AFF2: variants seen among roughly 807,000 people sequenced by gnomAD.
AFF2 encodes the protein AF4/FMR2 family member 2.
In AFF2, 14 loss-of-function variants were observed where a neutral mutation model predicts 76.9. The observed-to-expected ratio is 0.18, with a 90% CI of 0.12 to 0.28. The LOEUF is 0.28. Among genes scored for constraint, AFF2 ranks in the 10% least tolerant of loss-of-function variants. AFF2 has a pLI of 1.00. For missense variants in AFF2, 868 were observed against 1,001.1 expected, an observed-to-expected ratio of 0.87 and a Z score of 1.79; for synonymous variants, 398 against 366.7, an observed-to-expected ratio of 1.09 and a Z score of -0.98.
chrX:148,774,645 C>A (rs903565567), intron 3 of AFF2, among the ~76,000 whole-genome samples: 1 of 111,542 alleles, frequency 9.0e-6, no homozygotes, highest in Non-Finnish European at 1.9e-5. Flanking sequence ...CTAATAGCAA[C>A]CTGTGCAATT....
chrX:148,656,086 T>A (rs782598043), intron 2 of AFF2, among the ~76,000 whole-genome samples: 18 of 111,816 alleles, frequency 1.6e-4, no homozygotes, highest in Non-Finnish European at 3.0e-4. Context: ...GAAAGATAAA[T>A]GGTGATCTCT....
intron 1 of AFF2, among the ~76,000 whole-genome samples, chrX:148,517,051 A>C (rs1170750793): frequency 8.9e-6 from 1 of 112,148 alleles, no homozygotes; most frequent in East Asian, 2.8e-4. Context: ...TCATTCGTTC[A>C]TTCAACAAAT....
chrX:148,507,446 A>G (rs928063245), intron 1 of AFF2, among the ~76,000 whole-genome samples: 3 of 112,254 alleles, frequency 2.7e-5, no homozygotes, highest in African/African-American at 3.2e-5. Flanking sequence ...TTGTGTCTCA[A>G]TCTGCATTGA....
In AFF2 at chrX:148,995,362, C is replaced by G. The variant is rs1302898111; in HGVS notation, c.*4030C>G. On this transcript the variant is annotated 3_prime_UTR_variant, in exon 21 of 21. Transcript: ENST00000370460. ...TTTGGTGAAGGAAAAAGTATTAATT[C>G]TCTTTCCATCCTCCTCCTCAGAAAT... is the stretch of plus-strand genomic sequence containing the variant. 9.2e-6 allele frequency: 1 copy of G among 109,209 alleles called. No individual in the cohort carries two copies. The highest frequency in any genetic ancestry group is 3.4e-5 in the African/African-American group (1 of 29,804). The allele number at this position is 109,209 out of a possible 1,213,427, so 9.0% of individuals were successfully genotyped here. A position where few individuals can be genotyped will look rare whatever the true frequency, so the allele number is the denominator to read the frequency against.
intron 10 of AFF2, among the ~76,000 whole-genome samples, chrX:148,954,418 T>G (rs782705147): frequency 7.2e-5 from 8 of 111,529 alleles, no homozygotes; most frequent in Non-Finnish European, 1.3e-4. Flanking sequence ...TTCATACACT[T>G]GTTTTTCAAT....
At chrX:148,529,539 C>A (rs1172111643) in intron 1 of AFF2, among the ~76,000 whole-genome samples, 1 of 112,208 alleles carries the variant, frequency 8.9e-6, no homozygotes, top group Non-Finnish European at 1.9e-5. Flanking sequence ...GTTAACATAT[C>A]AAAACTAAGC....
intron 16 of AFF2, among the ~76,000 whole-genome samples, chrX:148,976,039 T>G (rs1481226518): frequency 9.1e-6 from 1 of 109,473 alleles, no homozygotes; most frequent in Non-Finnish European, 1.9e-5. Flanking sequence ...CTTTTAATTA[T>G]TCACGAAAAA....
intron 1 of AFF2, among the ~76,000 whole-genome samples, chrX:148,621,598 C>A (rs2124418699): frequency 8.9e-6 from 1 of 111,945 alleles, no homozygotes; most frequent in Non-Finnish European, 1.9e-5. Context: ...ATAACAACTA[C>A]AATTGGCATA....
intron 3 of AFF2, among the ~76,000 whole-genome samples, chrX:148,807,783 A>G (rs1226595927): frequency 2.7e-5 from 3 of 112,534 alleles, no homozygotes; most frequent in African/African-American, 9.7e-5. Context: ...ATTTGTTAGA[A>G]GTTCAAGAAC....
intron 3 of AFF2, among the ~76,000 whole-genome samples, chrX:148,766,423 A>T (rs1458227313): frequency 3.8e-5 from 4 of 104,326 alleles, no homozygotes; most frequent in African/African-American, 1.1e-4. Flanking sequence ...GGTATCTCAT[A>T]GTGGTTTTGA....
chrX:148,773,962 T>C (rs1335762136), intron 3 of AFF2, among the ~76,000 whole-genome samples: 1 of 111,430 alleles, frequency 9.0e-6, no homozygotes, highest in Admixed American at 9.5e-5. Context: ...AGTTATTTCA[T>C]AGACATTCTT....
chrX:148,766,284 A>T (rs2069515572), intron 3 of AFF2, among the ~76,000 whole-genome samples: 2 of 109,644 alleles, frequency 1.8e-5, no homozygotes, highest in Admixed American at 1.9e-4. Context: ...CGCCACACTG[A>T]CTTCCACAAT....
intron 7 of AFF2, among the ~76,000 whole-genome samples, chrX:148,854,979 G>A (rs1249867072): frequency 9.0e-6 from 1 of 111,204 alleles, no homozygotes; most frequent in Non-Finnish European, 1.9e-5. Context: ...TTAACTCTCT[G>A]AAGGTCTCAA....
chrX:148,717,918 G>A (rs782602644), intron 3 of AFF2, among the ~76,000 whole-genome samples: 2 of 111,326 alleles, frequency 1.8e-5, no homozygotes, highest in South Asian at 3.8e-4. Flanking sequence ...AGGAAAAGAA[G>A]GGAAAAGGCA....
At chrX:148,953,884 A>G in intron 10 of AFF2, 145 bp downstream of exon 10, 1 of 530,436 alleles carries the variant, frequency 1.9e-6, no homozygotes, top group Non-Finnish European at 3.0e-6. Flanking sequence ...ACCACTTCAG[A>G]AAAGTACCCA....
At chrX:148,951,857 T>C (rs2071972572) in intron 9 of AFF2, among the ~76,000 whole-genome samples, 1 of 112,102 alleles carries the variant, frequency 8.9e-6, no homozygotes, top group Non-Finnish European at 1.9e-5. Context: ...TCCCAGGAGA[T>C]ACAGTAGTCT....
At chrX:148,785,106 T>C (rs1448302267) in intron 3 of AFF2, among the ~76,000 whole-genome samples, 1 of 112,350 alleles carries the variant, frequency 8.9e-6, no homozygotes, top group Non-Finnish European at 1.9e-5. Flanking sequence ...CCTGAGCTTG[T>C]GTGAGTATGT....
In AFF2 at chrX:148,661,934, C is replaced by T; in HGVS notation, c.207C>T (p.Asn69=). ...CAAACAAAGGTGATGCACTTGCCAACCGAGTCCAGAACACGCTTGGAAACT... is the reference window on the plus strand; with the variant it reads ...CAAACAAAGGTGATGCACTTGCCAATCGAGTCCAGAACACGCTTGGAAACT... The part of the protein sequence containing the change: ...EYTNKGDALA[N]RVQNTLGNYD... The change falls in exon 3 of 21, where the codon AAC becomes AAT. Residue 69 remains asparagine (N), a synonymous_variant. Coordinates refer to ENST00000370460, the MANE Select transcript of AFF2 (RefSeq NM_002025.4). 1 of 1,204,665 alleles carries T rather than the reference C, an allele frequency of 8.3e-7. No individual in the cohort carries two copies.
Position 148,993,636 on chromosome X carries a change from T to C in AFF2, c.*2304T>C, listed in dbSNP as rs1476313047. On this transcript the variant is annotated 3_prime_UTR_variant, in exon 21 of 21. Coordinates refer to ENST00000370460, the MANE Select transcript of AFF2 (RefSeq NM_002025.4). Reference sequence around the variant, plus strand: ...TGCCTCATGGATGAAAGACTTGTAGTTCTAGTTTCAGTGACTTGTTATATC... The same window carrying C: ...TGCCTCATGGATGAAAGACTTGTAGCTCTAGTTTCAGTGACTTGTTATATC... 8.9e-6 allele frequency: 1 copy of C among 111,943 alleles called. No homozygotes were observed. Among genetic ancestry groups the C allele is most frequent in the Non-Finnish European group, 1.9e-5 (1 of 53,199 alleles). 9.2% of individuals were successfully genotyped at this position (111,943 alleles called of 1,213,427 possible).
Sources: gnomAD v4.1 joint callset for allele counts (sites outside exome capture counted in the v4.1 genomes callset) on GRCh38, gnomAD v4.1.1 for gene constraint, MANE v1.5 for transcripts, NCBI Gene and HGNC (gene_info 2026-07-23, HGNC 2026-07-21) for gene names.